TNNI3K: variants seen among roughly 807,000 people sequenced by gnomAD.
TNNI3K encodes serine/threonine-protein kinase TNNI3K.
A neutral mutation model predicts 114.5 loss-of-function variants in TNNI3K; 140 were observed. The observed-to-expected ratio is 1.22, with a 90% CI of 1.07 to 1.41. TNNI3K has a LOEUF of 1.41. Among genes scored for constraint, TNNI3K ranks in the 40% most tolerant of loss-of-function variants. The pLI is 0.00. For synonymous variants in TNNI3K, 347 were observed against 347.5 expected, an observed-to-expected ratio of 1.00 and a Z score of 0.02; for missense variants, 1,125 against 1,007.6, an observed-to-expected ratio of 1.12 and a Z score of -1.58.
chr1:74,470,928 G>A (rs182088634), intron 21 of TNNI3K: 52 of 400,686 alleles, frequency 1.3e-4, no homozygotes, highest in African/African-American at 9.4e-4. Context: ...TTGTCCCTTG[G>A]TCAGTAGCCC....
chr1:74,304,355 G>A (rs1658498781), intron 5 of TNNI3K, among the ~76,000 whole-genome samples: 1 of 152,154 alleles, frequency 6.6e-6, no homozygotes, highest in Non-Finnish European at 1.5e-5. Flanking sequence ...CATCAAGGCA[G>A]GATCTTATAG....
chr1:74,251,951 A>G (rs1654955448), intron 4 of TNNI3K, among the ~76,000 whole-genome samples: 1 of 152,222 alleles, frequency 6.6e-6, no homozygotes, highest in Non-Finnish European at 1.5e-5. Flanking sequence ...CTGCTAAACT[A>G]TGAAACATTC....
At chr1:74,442,875 G>A (rs553098702) in intron 20 of TNNI3K, among the ~76,000 whole-genome samples, 16 of 152,056 alleles carry the variant, frequency 1.1e-4, no homozygotes, top group Non-Finnish European at 2.2e-4. Context: ...AAAATCACAC[G>A]ACTACATGAA....
At chr1:74,327,816 A>G (rs577306137) in intron 5 of TNNI3K, among the ~76,000 whole-genome samples, 1 of 150,370 alleles carries the variant, frequency 6.7e-6, no homozygotes, top group South Asian at 2.1e-4. Flanking sequence ...GTGTTTAAAG[A>G]TTTATATCCT....
intron 2 of TNNI3K, chr1:74,240,289 C>A (rs1276569815): frequency 5.8e-6 from 1 of 172,904 alleles, no homozygotes; most frequent in Non-Finnish European, 1.3e-5. Context: ...CTTATATAAT[C>A]CTAATGGTGT....
In TNNI3K at chr1:74,459,144, G is replaced by T. The variant is rs186174901; in HGVS notation, c.2012-4297G>T. 4.8e-3 allele frequency among the ~76,000 whole-genome samples: 727 copies of T among 152,286 alleles called. 4 individuals carry two copies. The highest frequency in any genetic ancestry group is 8.1e-3 in the Non-Finnish European group (551 of 68,004). ...GAAAATGTGGTACATACACACCATA[G>T]AATACTATATGGCCATAAAAAGAAC... On this transcript the variant is annotated intron_variant, in intron 20 of 24. Transcript: ENST00000326637.
At chr1:74,529,654 TA>T (rs1402771658) in intron 23 of TNNI3K, among the ~76,000 whole-genome samples, 2 of 152,212 alleles carry the variant, frequency 1.3e-5, no homozygotes, top group African/African-American at 2.4e-5. Context: ...TACACTAAAG[TA>T]TTTGGGAGAT....
rs779220101 is a variant in TNNI3K, at chr1:74,250,664, T to C, written c.236-8T>C. On this transcript the variant is annotated splice_region_variant and splice_polypyrimidine_tract_variant and intron_variant, in intron 3 of 24. Transcript: ENST00000326637. ...ATGATTTAGCCTTTTTTCATTTTTC[T>C]CTTTAAGGCAAGAAATCACATATTC... 2.5e-6 allele frequency: 4 copies of C among 1,606,716 alleles called. No homozygotes were observed. Among genetic ancestry groups the C allele is most frequent in the Non-Finnish European group, 3.4e-6 (4 of 1,177,790 alleles).
intron 24 of TNNI3K, among the ~76,000 whole-genome samples, chr1:74,543,209 A>G (rs1570763331): frequency 6.6e-6 from 1 of 150,482 alleles, no homozygotes; most frequent in South Asian, 2.1e-4. Flanking sequence ...TGAGTAGCTG[A>G]GACTACAGGC....
intron 17 of TNNI3K, among the ~76,000 whole-genome samples, chr1:74,412,158 T>C (rs1191972368): frequency 2.0e-5 from 3 of 152,146 alleles, no homozygotes; most frequent in Non-Finnish European, 2.9e-5. Flanking sequence ...GGAGCTGGGC[T>C]CTGATTTGTC....
chr1:74,251,806 C>G (rs1000045616), intron 4 of TNNI3K, among the ~76,000 whole-genome samples: 3 of 152,164 alleles, frequency 2.0e-5, no homozygotes. Context: ...TCACAAATTC[C>G]TGTAATTCAT....
At chr1:74,355,294 C>T (rs1213741858) in intron 11 of TNNI3K, among the ~76,000 whole-genome samples, 1 of 152,044 alleles carries the variant, frequency 6.6e-6, no homozygotes, top group African/African-American at 2.4e-5. Context: ...CAAGTTGATT[C>T]GAAAGGTTTT....
At chr1:74,313,394 T>C (rs987251631) in intron 5 of TNNI3K, among the ~76,000 whole-genome samples, 3 of 152,194 alleles carry the variant, frequency 2.0e-5, no homozygotes, top group African/African-American at 7.2e-5. Context: ...TGGAAGATAA[T>C]TACAGGTTGA....
chr1:74,380,503 G>C (rs915835988), intron 17 of TNNI3K, among the ~76,000 whole-genome samples: 2 of 152,096 alleles, frequency 1.3e-5, no homozygotes, highest in Non-Finnish European at 2.9e-5. Context: ...GACTGAGCGT[G>C]GAAGGGAGAA....
At position 74,370,396 on chromosome 1, in the gene TNNI3K, T is replaced by C. The variant is rs768473936; in HGVS notation, c.1772+4T>C. 5.0e-6 allele frequency: 8 copies of C among 1,600,542 alleles called. No homozygotes were observed. In the South Asian group the frequency reaches 9.0e-5, roughly 18 times the overall value. ...TTATACATCGTGACTTGAACAGGTATTTTTTTCCTAAATAATGAACTCAGA... is the reference window on the plus strand; with the variant it reads ...TTATACATCGTGACTTGAACAGGTACTTTTTTCCTAAATAATGAACTCAGA... On this transcript the variant is annotated splice_donor_region_variant and intron_variant, in intron 17 of 24. Coordinates refer to ENST00000326637, the MANE Select transcript of TNNI3K (RefSeq NM_015978.3).
chr1:74,543,827 T>G, intron 24 of TNNI3K, 79 bp from the exon 25 acceptor site: 1 of 1,548,030 alleles, frequency 6.5e-7, no homozygotes, highest in Non-Finnish European at 8.9e-7. Flanking sequence ...AAGACCTGCC[T>G]GGTTCAGGCT....
Position 74,369,199 on chromosome 1 carries a change from A to T in TNNI3K, c.1415-8A>T. ...ATGTGTTTATTTATTTATTTTAAAC[A>T]ATTGTAGGTTCTTTTGGGAAAGTAT... On this transcript the variant is annotated splice_polypyrimidine_tract_variant and splice_region_variant and intron_variant, in intron 14 of 24. Transcript: ENST00000326637. The T allele has an allele frequency of 1.2e-6, 2 of 1,608,296 alleles. No individual in the cohort carries two copies. Among genetic ancestry groups the T allele is most frequent in the Non-Finnish European group, 1.7e-6 (2 of 1,177,804 alleles).
intron 5 of TNNI3K, among the ~76,000 whole-genome samples, chr1:74,304,607 T>G (rs1407377277): frequency 1.3e-5 from 2 of 151,996 alleles, no homozygotes; most frequent in Non-Finnish European, 2.9e-5. Flanking sequence ...CATGCCTGTC[T>G]AATTTTTATT....
At chr1:74,295,316 A>G (rs1403194569) in intron 5 of TNNI3K, among the ~76,000 whole-genome samples, 7 of 152,150 alleles carry the variant, frequency 4.6e-5, no homozygotes, top group Admixed American at 1.3e-4. Context: ...CTCTGCATAC[A>G]TGAAAAATAT....
Sources: allele counts gnomAD v4.1 joint callset (sites outside exome capture counted in the v4.1 genomes callset), GRCh38; gene constraint gnomAD v4.1.1; transcripts MANE v1.5; gene names NCBI Gene and HGNC (gene_info 2026-07-23, HGNC 2026-07-21).